Variants in RALYL observed in about 807,000 individuals in gnomAD.
The protein encoded by RALYL is RALY RNA binding protein like.
In RALYL, 29 loss-of-function variants were observed where a neutral mutation model predicts 35.1. The observed-to-expected ratio is 0.83, with a 90% CI of 0.61 to 1.13. RALYL has a LOEUF of 1.13. Ranked by LOEUF, RALYL falls within the 50% of genes most tolerant of loss-of-function variation. The probability of loss-of-function intolerance (pLI) is 0.00; values close to 1 mark genes in which losing one functional copy is unlikely to be tolerated. For synonymous variants in RALYL, 120 were observed against 127.6 expected (o/e 0.94, Z 0.40); for missense variants, 359 against 360.4 (o/e 1.00, Z 0.03).
chr8:84,559,500 T>C (rs555174057), intron 2 of RALYL, among the ~76,000 whole-genome samples: 51 of 152,210 alleles, frequency 3.4e-4, no homozygotes, highest in African/African-American at 1.2e-3. Context: ...GTCTGGAAAA[T>C]ACTTATTTCT....
At chr8:84,541,990 T>G (rs2060044832) in intron 2 of RALYL, among the ~76,000 whole-genome samples, 1 of 152,130 alleles carries the variant, frequency 6.6e-6, no homozygotes, top group Non-Finnish European at 1.5e-5. Context: ...CCAAATACAG[T>G]AGGACAACCT....
intron 1 of RALYL, among the ~76,000 whole-genome samples, chr8:84,311,053 C>CAAA (rs34029529): frequency 0.02 from 189 of 9,530 alleles, 78 homozygotes; most frequent in African/African-American, 0.046. Flanking sequence ...GACTCCGTCT[C>CAAA]AAAAAAAAAA....
At chr8:84,238,184 G>A (rs1168277139) in intron 1 of RALYL, among the ~76,000 whole-genome samples, 1 of 152,012 alleles carries the variant, frequency 6.6e-6, no homozygotes, top group African/African-American at 2.4e-5. Context: ...TATCAGAGGT[G>A]AGGTACACAT....
At position 84,706,088 on chromosome 8, in the gene RALYL, A is replaced by G. The variant is rs985643944; in HGVS notation, c.257-68491A>G. The G allele has an allele frequency of 7.2e-6, 11 of 1,531,860 alleles. No homozygotes were observed. The Admixed American group carries it at 9.8e-5, about 14-fold the overall frequency. 94.9% of individuals were successfully genotyped at this position (1,531,860 alleles called of 1,614,324 possible). The stretch of plus-strand genomic sequence containing the variant: ...AAGTAAAATCTGACCCAACTTTTTC[A>G]TATCACTGGGGTAGGGAAAACATAC... On this transcript the variant is annotated intron_variant, in intron 2 of 8. Transcript: ENST00000521268.
chr8:84,868,949 G>A (rs1839684436), intron 6 of RALYL, among the ~76,000 whole-genome samples: 1 of 151,882 alleles, frequency 6.6e-6, no homozygotes, highest in Non-Finnish European at 1.5e-5. Flanking sequence ...TATGTATTAT[G>A]TTACAAGGGT....
At chr8:84,403,614 C>T (rs568711102) in intron 1 of RALYL, among the ~76,000 whole-genome samples, 2 of 135,814 alleles carry the variant, frequency 1.5e-5, no homozygotes, top group East Asian at 2.3e-4. Context: ...AGTCAGGTAG[C>T]GTGATGCCTC....
intron 2 of RALYL, among the ~76,000 whole-genome samples, chr8:84,617,993 G>T (rs528865850): frequency 2.0e-5 from 3 of 151,750 alleles, no homozygotes; most frequent in Non-Finnish European, 4.4e-5. Flanking sequence ...GATTCGTTTT[G>T]CCAGCATTTT....
At chr8:84,362,020 C>T (rs536244327) in intron 1 of RALYL, among the ~76,000 whole-genome samples, 2 of 152,250 alleles carry the variant, frequency 1.3e-5, no homozygotes, top group African/African-American at 2.4e-5. Flanking sequence ...TATTTCAAAA[C>T]TGAGCAGCCA....
chr8:84,403,270 T>C (rs911938904), intron 1 of RALYL, among the ~76,000 whole-genome samples: 8 of 152,092 alleles, frequency 5.3e-5, no homozygotes, highest in African/African-American at 1.9e-4. Context: ...CTAGGTTTTC[T>C]TCTAGGGTTT....
chr8:84,755,282 G>A (rs536132219), intron 2 of RALYL, among the ~76,000 whole-genome samples: 1 of 152,126 alleles, frequency 6.6e-6, no homozygotes, highest in Non-Finnish European at 1.5e-5. Context: ...CAGTCTTTTT[G>A]TATATACATG....
At chr8:84,453,314 G>C (rs2049730753) in intron 1 of RALYL, among the ~76,000 whole-genome samples, 1 of 151,896 alleles carries the variant, frequency 6.6e-6, no homozygotes, top group Non-Finnish European at 1.5e-5. Context: ...CTAAACTGGA[G>C]AGCCTTCAAT....
intron 2 of RALYL, among the ~76,000 whole-genome samples, chr8:84,581,072 G>A (rs1810718708): frequency 6.6e-6 from 1 of 152,182 alleles, no homozygotes; most frequent in African/African-American, 2.4e-5. Flanking sequence ...TGGCATCTGA[G>A]ATTGAACTTT....
At chr8:84,556,077 A>G (rs2061096248) in intron 2 of RALYL, among the ~76,000 whole-genome samples, 2 of 152,358 alleles carry the variant, frequency 1.3e-5, no homozygotes, top group African/African-American at 2.4e-5. Flanking sequence ...GTACATTTGC[A>G]GGAACAGTGT....
intron 1 of RALYL, among the ~76,000 whole-genome samples, chr8:84,330,116 T>A (rs560868355): frequency 2.6e-5 from 4 of 152,100 alleles, no homozygotes; most frequent in Admixed American, 2.0e-4. Flanking sequence ...AAGTAGCTAA[T>A]AAATATGTGT....
chr8:84,604,021 A>T (rs892091844), intron 2 of RALYL, among the ~76,000 whole-genome samples: 1 of 152,118 alleles, frequency 6.6e-6, no homozygotes, highest in Non-Finnish European at 1.5e-5. Flanking sequence ...CAAAAACTTT[A>T]TGGAACCAAT....
At chr8:84,912,205 C>A (rs1250495051) in intron 8 of RALYL, among the ~76,000 whole-genome samples, 2 of 152,000 alleles carry the variant, frequency 1.3e-5, no homozygotes, top group Admixed American at 6.6e-5. Flanking sequence ...TTATGAATAA[C>A]AAAAGACACT....
At chr8:84,404,842 A>G (rs2132048544) in intron 1 of RALYL, among the ~76,000 whole-genome samples, 1 of 152,140 alleles carries the variant, frequency 6.6e-6, no homozygotes, top group Middle Eastern at 3.4e-3. Context: ...TACTGCTTCA[A>G]TTTCAGAACT....
chr8:84,728,360 G>A (rs1300706093), intron 2 of RALYL, among the ~76,000 whole-genome samples: 2 of 152,074 alleles, frequency 1.3e-5, no homozygotes, highest in Non-Finnish European at 2.9e-5. Context: ...GTTCATTGTA[G>A]ATTCTGGATA....
intron 1 of RALYL, among the ~76,000 whole-genome samples, chr8:84,253,253 G>A (rs959775113): frequency 3.9e-5 from 5 of 128,358 alleles, no homozygotes; most frequent in African/African-American, 8.8e-5. Flanking sequence ...GCAGTGGTGC[G>A]ATCTCAGCTC....
Sources: allele counts gnomAD v4.1 joint callset (sites outside exome capture counted in the v4.1 genomes callset), GRCh38; gene constraint gnomAD v4.1.1; transcripts MANE v1.5; gene names NCBI Gene and HGNC (gene_info 2026-07-23, HGNC 2026-07-21).